Variants in KAZN observed in about 807,000 individuals in gnomAD.
KAZN encodes the protein kazrin, periplakin interacting protein.
A neutral mutation model predicts 87.4 loss-of-function variants in KAZN; 40 were observed. The observed-to-expected ratio is 0.46, with a 90% CI of 0.36 to 0.60. The LOEUF is 0.60. KAZN is among the 20% of genes least tolerant of loss of function. KAZN has a pLI of 0.00. For missense variants in KAZN, 898 were observed against 1,073.9 expected (o/e 0.84, Z 2.29); for synonymous variants, 466 against 458.3 (o/e 1.02, Z -0.22).
chr1:15,020,938 C>T (rs190882403), intron 2 of KAZN, among the ~76,000 whole-genome samples: 1 of 152,288 alleles, frequency 6.6e-6, no homozygotes, highest in African/African-American at 2.4e-5. Flanking sequence ...CTGCTCTCTG[C>T]AGCCTCTCTC....
chr1:14,260,824 G>A (rs1270970201), intron 2 of KAZN, among the ~76,000 whole-genome samples: 5 of 152,146 alleles, frequency 3.3e-5, no homozygotes, highest in Admixed American at 3.3e-4. Flanking sequence ...TTTTCCAGAT[G>A]AGGCTCAAAG....
At chr1:14,535,709 C>T (rs1047602267) in intron 2 of KAZN, among the ~76,000 whole-genome samples, 4 of 151,940 alleles carry the variant, frequency 2.6e-5, no homozygotes, top group African/African-American at 9.7e-5. Context: ...AAAAGAAACA[C>T]ACAGGACTGC....
intron 5 of KAZN, among the ~76,000 whole-genome samples, chr1:15,057,222 G>T (rs1231918075): frequency 6.6e-6 from 1 of 152,230 alleles, no homozygotes; most frequent in Non-Finnish European, 1.5e-5. Context: ...TTCAACTCTG[G>T]CCCTGCTGCT....
chr1:14,401,526 T>A (rs577392417), intron 2 of KAZN, among the ~76,000 whole-genome samples: 1 of 152,060 alleles, frequency 6.6e-6, no homozygotes, highest in East Asian at 1.9e-4. Context: ...TTAGAATCTA[T>A]CAGTATAGGT....
chr1:15,112,168 G>C, intron 13 of KAZN: 1 of 534,556 alleles, frequency 1.9e-6, no homozygotes, highest in Non-Finnish European at 3.4e-6. Flanking sequence ...TGTCGTCTTG[G>C]GCAAATTGCT....
chr1:14,764,838 TG>T (rs1644845671), intron 1 of KAZN, among the ~76,000 whole-genome samples: 1 of 152,144 alleles, frequency 6.6e-6, no homozygotes, highest in African/African-American at 2.4e-5. Flanking sequence ...AGTAAAACTG[TG>T]GGTGCTTTCT....
intron 1 of KAZN, among the ~76,000 whole-genome samples, chr1:13,969,379 A>G (rs1193029857): frequency 2.0e-5 from 3 of 152,226 alleles, no homozygotes; most frequent in African/African-American, 7.2e-5. Flanking sequence ...GGACACAGAC[A>G]TGCACATGCT....
intron 1 of KAZN, among the ~76,000 whole-genome samples, chr1:14,791,115 C>T (rs1389465712): frequency 6.6e-6 from 1 of 152,198 alleles, no homozygotes; most frequent in Non-Finnish European, 1.5e-5. Flanking sequence ...ACAACCCTGC[C>T]CTCGAAACAG....
At chr1:14,152,051 C>T (rs559290383) in intron 1 of KAZN, among the ~76,000 whole-genome samples, 5 of 151,950 alleles carry the variant, frequency 3.3e-5, no homozygotes, top group South Asian at 4.2e-4. Flanking sequence ...TTTGTGGGTA[C>T]GTAGGAGGTG....
At chr1:14,935,675 T>C (rs2101606795) in intron 1 of KAZN, among the ~76,000 whole-genome samples, 1 of 152,170 alleles carries the variant, frequency 6.6e-6, no homozygotes, top group Non-Finnish European at 1.5e-5. Flanking sequence ...CCTCTCTCCC[T>C]CCCTCTCCCC....
intron 1 of KAZN, among the ~76,000 whole-genome samples, chr1:14,603,859 T>C (rs1037814224): frequency 2.6e-5 from 4 of 152,164 alleles, no homozygotes; most frequent in South Asian, 2.1e-4. Flanking sequence ...CAAGAGCTCA[T>C]TGGAACTTTG....
At chr1:14,524,773 A>G (rs927666865) in intron 2 of KAZN, among the ~76,000 whole-genome samples, 1 of 152,230 alleles carries the variant, frequency 6.6e-6, no homozygotes, top group Admixed American at 6.5e-5. Context: ...GGGGTGTTTT[A>G]TTCATGTTGA....
At chr1:13,954,786 A>T (rs992476370) in intron 1 of KAZN, among the ~76,000 whole-genome samples, 2 of 151,992 alleles carry the variant, frequency 1.3e-5, no homozygotes, top group Non-Finnish European at 2.9e-5. Flanking sequence ...ATATGTTGAG[A>T]TTTCTTTTTA....
chr1:14,716,541 C>A (rs112014159), intron 1 of KAZN, among the ~76,000 whole-genome samples: 1 of 152,164 alleles, frequency 6.6e-6, no homozygotes, highest in Non-Finnish European at 1.5e-5. Context: ...ACCTCCCTGT[C>A]GGCAGCCTTG....
intron 1 of KAZN, among the ~76,000 whole-genome samples, chr1:14,005,336 T>G (rs1185288014): frequency 6.6e-6 from 1 of 152,002 alleles, no homozygotes; most frequent in African/African-American, 2.4e-5. Flanking sequence ...CCAAGAGGAC[T>G]TGAGAATGGG....
chr1:14,429,887 T>A (rs529371722), intron 2 of KAZN, among the ~76,000 whole-genome samples: 1 of 152,084 alleles, frequency 6.6e-6, no homozygotes, highest in Non-Finnish European at 1.5e-5. Flanking sequence ...GGGTGGGACA[T>A]AAATCCATTT....
At chr1:15,114,338 TAGG>T (rs1641764523) in intron 14 of KAZN, 130 bp from the exon 15 acceptor site, 4 of 710,132 alleles carry the variant, frequency 5.6e-6, no homozygotes, top group South Asian at 1.9e-5. Flanking sequence ...TTATTACTAA[TAGG>T]AGGAGCACAC....
At chr1:13,981,089 T>TCTATATATATATATATATATATATATA (rs1553181094) in intron 1 of KAZN, among the ~76,000 whole-genome samples, 3 of 63,136 alleles carry the variant, frequency 4.8e-5, no homozygotes, top group East Asian at 5.7e-4. Flanking sequence ...AAATTACTCT[T>TCTATATATATATATATATATATATATA]TATATATATA....
chr1:14,329,440 A>G (rs939402220), intron 2 of KAZN, among the ~76,000 whole-genome samples: 1 of 152,236 alleles, frequency 6.6e-6, no homozygotes, highest in African/African-American at 2.4e-5. Flanking sequence ...TCAGACAACA[A>G]TGAGAAATAT....
Sources: gnomAD v4.1 joint callset for allele counts (sites outside exome capture counted in the v4.1 genomes callset) on GRCh38, gnomAD v4.1.1 for gene constraint, MANE v1.5 for transcripts, NCBI Gene and HGNC (gene_info 2026-07-23, HGNC 2026-07-21) for gene names.